The following NSUN6 variants were observed in gnomAD, a reference collection of about 807,000 sequenced individuals.
The protein encoded by NSUN6 is tRNA (cytosine(72)-C(5))-methyltransferase NSUN6.
A neutral mutation model predicts 58.0 loss-of-function variants in NSUN6; 64 were observed. That is an observed-to-expected ratio of 1.10 (90% CI 0.90 to 1.36). The LOEUF (loss-of-function observed/expected upper bound fraction) is 1.36, where lower values mean the gene tolerates loss of function less well. NSUN6 is among the 40% of genes most tolerant of loss of function. The pLI, the probability that NSUN6 is intolerant of heterozygous loss-of-function variation, is 0.00. For missense variants in NSUN6, 701 were observed against 550.1 expected, an observed-to-expected ratio of 1.27 and a Z score of -2.74; for synonymous variants, 231 against 193.9, an observed-to-expected ratio of 1.19 and a Z score of -1.59.
At chr10:18,546,569 G>A (rs938974597) in intron 10 of NSUN6, among the ~76,000 whole-genome samples, 1 of 152,094 alleles carries the variant, frequency 6.6e-6, no homozygotes, top group Non-Finnish European at 1.5e-5. Flanking sequence ...TCAGTAAATG[G>A]AACATTATTA....
intron 8 of NSUN6, among the ~76,000 whole-genome samples, chr10:18,582,014 T>C (rs952318051): frequency 6.6e-6 from 1 of 152,086 alleles, no homozygotes; most frequent in Non-Finnish European, 1.5e-5. Flanking sequence ...GTAACATAAT[T>C]ACTGGAGTTG....
In NSUN6 at chr10:18,642,484, A is replaced by G. The variant is rs747400162; in HGVS notation, c.303T>C (p.Ile101=). 2.0e-6 allele frequency: 3 copies of G among 1,502,376 alleles called. No homozygotes were observed. The highest frequency in any genetic ancestry group is 1.4e-5 in the African/African-American group (1 of 72,644). The allele number at this position is 1,502,376 out of a possible 1,614,324, so 93.1% of individuals were successfully genotyped here. A position where few individuals can be genotyped will look rare whatever the true frequency, so the allele number is the denominator to read the frequency against. ...DLQDVLLIPV[I]GPRKNIKKQQ... is the part of the protein sequence containing the mutation. ...ATGAAGTTCTTACAAACCTGGGTCC[A>G]ATAACAGGAATAAGTAACACATCTT... Residue 101 remains isoleucine, a synonymous_variant, in exon 3 of 11, where the codon ATT becomes ATC. Transcript: ENST00000377304.
intron 8 of NSUN6, among the ~76,000 whole-genome samples, chr10:18,578,576 A>T (rs191191305): frequency 2.8e-4 from 43 of 152,226 alleles, no homozygotes; most frequent in Admixed American, 2.0e-3. Context: ...CGTTGCTTAC[A>T]GCCCCCCAAC....
At chr10:18,623,748 AAGTT>A (rs772199915) in intron 3 of NSUN6, among the ~76,000 whole-genome samples, 109 of 152,350 alleles carry the variant, frequency 7.2e-4, no homozygotes, top group Non-Finnish European at 1.1e-3. Context: ...CTCATGACTT[AAGTT>A]ATCTAAGCAG....
In NSUN6 at chr10:18,614,517, C is replaced by G. The variant is rs1379314871; in HGVS notation, c.518G>C (p.Gly173Ala). ...KEFDGTKVFLGNGISELSRKE... is the reference protein window; with the variant it reads ...KEFDGTKVFLANGISELSRKE... ...GCGGCTTAGTTCAGAAATCCCATTT[C>G]CAAGAAATACTTTTGTTCCATCAAA... is the stretch of plus-strand genomic sequence containing the variant. Residue 173 changes from glycine to alanine, a missense_variant, in exon 5 of 11, where the codon GGA (glycine) becomes GCA (alanine). Physicochemically the swap from Gly to Ala is moderately conservative, Grantham distance 60. Transcript: ENST00000377304. 6.4e-7 allele frequency: 1 copy of G among 1,565,042 alleles called. No individual in the cohort carries two copies.
intron 2 of NSUN6, among the ~76,000 whole-genome samples, chr10:18,643,890 TAATA>T: frequency 6.6e-6 from 1 of 152,338 alleles, no homozygotes; most frequent in South Asian, 2.1e-4. Flanking sequence ...AGAAGCATGT[TAATA>T]TATAAATAAA....
chr10:18,643,202 G>A (rs1235792577), intron 2 of NSUN6, among the ~76,000 whole-genome samples: 3 of 151,414 alleles, frequency 2.0e-5, no homozygotes, highest in Non-Finnish European at 4.4e-5. Flanking sequence ...CACAAATTGG[G>A]GTTATTTTTC....
chr10:18,593,965 C>A (rs1346342669), intron 7 of NSUN6, among the ~76,000 whole-genome samples: 1 of 151,658 alleles, frequency 6.6e-6, no homozygotes, highest in African/African-American at 2.4e-5. Flanking sequence ...TTTGGGAGGC[C>A]GGGGCAGGCA....
chr10:18,656,010 C>A (rs1456415728), upstream of NSUN6, among the ~76,000 whole-genome samples: 2 of 152,136 alleles, frequency 1.3e-5, no homozygotes, highest in East Asian at 1.9e-4. Flanking sequence ...AAACATAAAG[C>A]AACTTTGTCA....
intron 10 of NSUN6, among the ~76,000 whole-genome samples, chr10:18,546,869 C>T (rs2054296837): frequency 6.7e-6 from 1 of 148,662 alleles, no homozygotes; most frequent in African/African-American, 2.5e-5. Flanking sequence ...GACACTCCAT[C>T]TCAAAAAACA....
intron 7 of NSUN6, among the ~76,000 whole-genome samples, chr10:18,589,789 A>T (rs1035366796): frequency 3.3e-5 from 5 of 152,222 alleles, no homozygotes; most frequent in African/African-American, 1.2e-4. Flanking sequence ...AACCAGTAAC[A>T]GCCACTGCAA....
In NSUN6 at chr10:18,616,290, C is replaced by G. The variant is rs2058407247; in HGVS notation, c.315G>C (p.Lys105Asn). 1 of 1,592,174 alleles carries G rather than the reference C, an allele frequency of 6.3e-7. No individual in the cohort carries two copies. The highest frequency in any genetic ancestry group is 1.3e-5 in the African/African-American group (1 of 74,618). The change falls in exon 4 of 11, where the codon AAG becomes AAC. Residue 105 changes from lysine (K) to asparagine (N), a missense_variant. Physicochemically the swap from Lys to Asn is moderately conservative, Grantham distance 94. Coordinates refer to ENST00000377304, the MANE Select transcript of NSUN6 (RefSeq NM_182543.5). ...VLLIPVIGPR[K>N]NIKKQQCEAI... ...CTTCACACTGTTGTTTTTTAATATT[C>G]TTTCTAGAAATGTAAGACACAAGAA...
intron 8 of NSUN6, among the ~76,000 whole-genome samples, chr10:18,553,937 T>C (rs2054792480): frequency 6.7e-6 from 1 of 148,640 alleles, no homozygotes; most frequent in Non-Finnish European, 1.5e-5. Context: ...CGGTATGGAA[T>C]GGAATGGAAT....
chr10:18,601,904 CAG>C (rs2057856881), intron 6 of NSUN6, among the ~76,000 whole-genome samples: 1 of 149,958 alleles, frequency 6.7e-6, no homozygotes, highest in African/African-American at 2.5e-5. Flanking sequence ...AACCCGGAGG[CAG>C]AGATTGCAGT....
intron 8 of NSUN6, among the ~76,000 whole-genome samples, chr10:18,555,395 G>C: frequency 6.6e-6 from 1 of 151,058 alleles, no homozygotes; most frequent in African/African-American, 2.4e-5. Flanking sequence ...GAATCGAATG[G>C]AGCATGGAAT....
At position 18,555,144 on chromosome 10, in the gene NSUN6, AGAATGGAATGGAGGATG is replaced by A. The variant is rs1470015781; in HGVS notation, c.923-3190_923-3174del. ...GGAAATGGAGAATGTAATGTAATGG[AGAATGGAATGGAGGATG>A]GAATGGAATGGAGGATGGAATGGAA... On this transcript the variant is annotated intron_variant, in intron 8 of 10. Transcript: ENST00000377304. Among the ~76,000 whole-genome samples the A allele has an allele frequency of 4.3e-4, 65 of 150,146 alleles. No homozygotes were observed. In the East Asian group the frequency reaches 7.7e-3, roughly 18 times the overall value.
chr10:18,596,468 C>T (rs1175768183), intron 6 of NSUN6, 141 bp from the exon 7 acceptor site: 3 of 574,240 alleles, frequency 5.2e-6, no homozygotes, highest in Non-Finnish European at 9.3e-6. Context: ...TATAAATATA[C>T]TCAGGTTAGG....
intron 3 of NSUN6, among the ~76,000 whole-genome samples, chr10:18,618,639 G>A (rs2058495804): frequency 6.9e-6 from 1 of 145,192 alleles, no homozygotes; most frequent in Non-Finnish European, 1.5e-5. Flanking sequence ...CCGAGATGGT[G>A]CCATTGCACT....
intron 4 of NSUN6, among the ~76,000 whole-genome samples, chr10:18,615,939 TC>T (rs2058393452): frequency 6.6e-6 from 1 of 150,930 alleles, no homozygotes; most frequent in Non-Finnish European, 1.5e-5. Flanking sequence ...TCAGTAATGA[TC>T]CACTAAAACA....
Sources: gnomAD v4.1 joint callset for allele counts (sites outside exome capture counted in the v4.1 genomes callset) on GRCh38, gnomAD v4.1.1 for gene constraint, MANE v1.5 for transcripts, NCBI Gene and HGNC (gene_info 2026-07-23, HGNC 2026-07-21) for gene names.